DCDC2: variants seen among roughly 807,000 people sequenced by gnomAD.
DCDC2 encodes the protein doublecortin domain containing 2, also known as doublecortin domain-containing protein 2.
A neutral mutation model predicts 50.2 loss-of-function variants in DCDC2; 40 were observed. That is an observed-to-expected ratio of 0.80 (90% CI 0.62 to 1.04). The LOEUF is 1.04. Ranked by LOEUF, DCDC2 falls within the 50% of genes least tolerant of loss-of-function variation. DCDC2 has a pLI of 0.00. For missense variants in DCDC2, 570 were observed against 581.9 expected (o/e 0.98, Z 0.21); for synonymous variants, 234 against 210.6 (o/e 1.11, Z -0.96).
At chr6:24,375,590 T>C in the DCDC2 span, among the ~76,000 whole-genome samples, 1 of 152,206 alleles carries the variant, frequency 6.6e-6, no homozygotes, top group Admixed American at 6.5e-5. Context: ...AGATCTCAGC[T>C]GAACATTTAC....
At chr6:24,340,627 C>T (rs1014590322) in intron 2 of DCDC2, among the ~76,000 whole-genome samples, 4 of 151,862 alleles carry the variant, frequency 2.6e-5, no homozygotes, top group African/African-American at 7.3e-5. Context: ...GTTATCCACT[C>T]GTTTCTAAGA....
intron 2 of DCDC2, among the ~76,000 whole-genome samples, chr6:24,339,194 C>T (rs1028095146): frequency 6.6e-5 from 10 of 152,004 alleles, no homozygotes; most frequent in Non-Finnish European, 1.3e-4. Flanking sequence ...GCCTGGTGAA[C>T]ATACTCATTC....
Position 24,357,920 on chromosome 6 carries a change from A to G in DCDC2, c.-170T>C. 1.3e-6 allele frequency: 2 copies of G among 1,524,768 alleles called. No homozygotes were observed. The highest frequency in any genetic ancestry group is 1.4e-5 in the African/African-American group (1 of 72,050). 94.5% of individuals were successfully genotyped at this position (1,524,768 alleles called of 1,614,324 possible). A position where few individuals can be genotyped will look rare whatever the true frequency, so the allele number is the denominator to read the frequency against. ...CGGCCGTGCGCCTAGGCGTCCACCC[A>G]GAGGAGACACTAGGAGCTTGCAGGA... is the stretch of plus-strand genomic sequence containing the variant. On this transcript the variant is annotated 5_prime_UTR_variant, in exon 1 of 10. Transcript: ENST00000378454.
chr6:24,227,791 C>A (rs935378570), intron 7 of DCDC2, among the ~76,000 whole-genome samples: 14 of 152,320 alleles, frequency 9.2e-5, no homozygotes, highest in Admixed American at 2.6e-4. Context: ...CCAATATTCA[C>A]AATGACTGTC....
intron 8 of DCDC2, among the ~76,000 whole-genome samples, chr6:24,180,794 G>A (rs1172491321): frequency 6.6e-6 from 1 of 151,962 alleles, no homozygotes; most frequent in Non-Finnish European, 1.5e-5. Context: ...CAAACTTTTT[G>A]TCATTACAAA....
At chr6:24,257,101 C>T (rs946989) in intron 7 of DCDC2, among the ~76,000 whole-genome samples, 142,231 of 152,278 alleles carry the variant, frequency 0.93, 66,867 homozygotes, top group East Asian at 1. Context: ...TCTGCTTACA[C>T]AGATATATAT....
chr6:24,185,583 A>C (rs1448646653), intron 8 of DCDC2, among the ~76,000 whole-genome samples: 2 of 152,078 alleles, frequency 1.3e-5, no homozygotes, highest in Non-Finnish European at 2.9e-5. Flanking sequence ...TTTTTGGTGT[A>C]ATCTCCTTTG....
chr6:24,200,025 T>C (rs965392272), intron 8 of DCDC2, among the ~76,000 whole-genome samples: 2 of 152,084 alleles, frequency 1.3e-5, no homozygotes, highest in Non-Finnish European at 2.9e-5. Flanking sequence ...AGACCAAACC[T>C]ACAACTGATT....
chr6:24,208,363 C>CA (rs1761771307), intron 7 of DCDC2, among the ~76,000 whole-genome samples: 2 of 84,402 alleles, frequency 2.4e-5, no homozygotes, highest in Non-Finnish European at 4.2e-5. Context: ...CTCTGTGCTA[C>CA]TTTTTTTTTT....
intron 4 of DCDC2, among the ~76,000 whole-genome samples, chr6:24,300,109 T>A (rs1759339354): frequency 6.8e-6 from 1 of 147,772 alleles, no homozygotes; most frequent in Non-Finnish European, 1.5e-5. Context: ...TAAAAAGTGG[T>A]CCAGGTACAG....
chr6:24,236,607 A>C (rs1762444230), intron 7 of DCDC2, among the ~76,000 whole-genome samples: 1 of 152,230 alleles, frequency 6.6e-6, no homozygotes, highest in Admixed American at 6.5e-5. Flanking sequence ...GTAAACAGAC[A>C]AGCTACAGAA....
At chr6:24,182,141 A>AC (rs1415851797) in intron 8 of DCDC2, among the ~76,000 whole-genome samples, 4 of 152,206 alleles carry the variant, frequency 2.6e-5, no homozygotes, top group African/African-American at 9.6e-5. Context: ...TCCTTACCTA[A>AC]CATATGTACA....
chr6:24,320,234 T>C (rs942712735), intron 2 of DCDC2, among the ~76,000 whole-genome samples: 3 of 152,170 alleles, frequency 2.0e-5, no homozygotes, highest in Admixed American at 2.0e-4. Flanking sequence ...AAGTTACAAA[T>C]AAGGAACTGA....
intron 6 of DCDC2, among the ~76,000 whole-genome samples, chr6:24,284,658 C>T (rs1264302871): frequency 6.6e-6 from 1 of 151,814 alleles, no homozygotes; most frequent in African/African-American, 2.4e-5. Context: ...ATATCACTCC[C>T]TCCCTATAAC....
intron 7 of DCDC2, among the ~76,000 whole-genome samples, chr6:24,263,029 G>T (rs1400377843): frequency 6.6e-6 from 1 of 152,224 alleles, no homozygotes; most frequent in African/African-American, 2.4e-5. Flanking sequence ...AGTATGGAGA[G>T]AGACTCCATT....
chr6:24,359,499 T>C (rs1461682619), upstream of DCDC2, among the ~76,000 whole-genome samples: 1 of 99,072 alleles, frequency 1.0e-5, no homozygotes, highest in East Asian at 2.5e-4. Flanking sequence ...ATATATTATA[T>C]ATATTTTATA....
intron 2 of DCDC2, among the ~76,000 whole-genome samples, chr6:24,345,979 G>C (rs189109594): frequency 1.3e-4 from 20 of 152,164 alleles, no homozygotes; most frequent in Non-Finnish European, 2.5e-4. Context: ...AGGAGTTTGA[G>C]ACCAGCCTGG....
At chr6:24,175,000 A>G (rs1398546968) in intron 9 of DCDC2, among the ~76,000 whole-genome samples, 166 bp from the exon 10 acceptor site, 2 of 152,116 alleles carry the variant, frequency 1.3e-5, no homozygotes, top group Non-Finnish European at 2.9e-5. Context: ...TACCCAGTGG[A>G]CATACTGTTT....
intron 5 of DCDC2, among the ~76,000 whole-genome samples, chr6:24,289,968 CTTCTTTTTTTTT>C (rs1763704399): frequency 9.9e-6 from 1 of 100,814 alleles, no homozygotes; most frequent in African/African-American, 3.7e-5. Context: ...GGCCAGAGCT[CTTCTTTTTTTTT>C]TTTTTTTTTT....
Sources: gnomAD v4.1 joint callset for allele counts (sites outside exome capture counted in the v4.1 genomes callset) on GRCh38, gnomAD v4.1.1 for gene constraint, MANE v1.5 for transcripts, NCBI Gene and HGNC (gene_info 2026-07-23, HGNC 2026-07-21) for gene names.